Variants in LRFN5 observed in about 807,000 individuals in gnomAD.
LRFN5 encodes the protein leucine rich repeat and fibronectin type III domain containing 5.
A neutral mutation model predicts 45.6 loss-of-function variants in LRFN5; 24 were observed. That is an observed-to-expected ratio of 0.53 (90% CI 0.38 to 0.74). The LOEUF (loss-of-function observed/expected upper bound fraction) is 0.74. Ranked by LOEUF, LRFN5 falls within the 30% of genes least tolerant of loss-of-function variation. LRFN5 has a pLI of 0.00. For synonymous variants in LRFN5, 340 were observed against 313.8 expected, an observed-to-expected ratio of 1.08 and a Z score of -0.88; for missense variants, 776 against 861.5, an observed-to-expected ratio of 0.90 and a Z score of 1.24.
intron 2 of LRFN5, among the ~76,000 whole-genome samples, chr14:41,882,487 G>A (rs1594492578): frequency 6.6e-6 from 1 of 152,116 alleles, no homozygotes; most frequent in Non-Finnish European, 1.5e-5. Flanking sequence ...AAGCTGAAAA[G>A]CAAGGTTGCC....
At chr14:41,674,074 G>C (rs1248923740) in intron 1 of LRFN5, among the ~76,000 whole-genome samples, 2 of 148,564 alleles carry the variant, frequency 1.3e-5, no homozygotes, top group African/African-American at 5.0e-5. Context: ...TGGGCGGGGG[G>C]CTGACCCCCC....
At chr14:41,864,719 T>G (rs961792427) in intron 2 of LRFN5, among the ~76,000 whole-genome samples, 3 of 152,158 alleles carry the variant, frequency 2.0e-5, no homozygotes, top group African/African-American at 4.8e-5. Flanking sequence ...ATCTATATTT[T>G]TATTGATGTA....
intron 1 of LRFN5, among the ~76,000 whole-genome samples, chr14:41,659,781 T>C (rs1190638242): frequency 6.6e-6 from 1 of 152,216 alleles, no homozygotes; most frequent in African/African-American, 2.4e-5. Flanking sequence ...GTGGTTTTGA[T>C]TTGCATTTCT....
At chr14:41,668,030 C>T (rs1273724994) in intron 1 of LRFN5, among the ~76,000 whole-genome samples, 1 of 152,100 alleles carries the variant, frequency 6.6e-6, no homozygotes, top group Non-Finnish European at 1.5e-5. Flanking sequence ...AAGGTCGAAC[C>T]TTGTGCTTCA....
intron 1 of LRFN5, among the ~76,000 whole-genome samples, chr14:41,631,357 T>C (rs1020681831): frequency 6.6e-6 from 1 of 152,056 alleles, no homozygotes. Flanking sequence ...AGAACCTATC[T>C]CAGAAAACCA....
intron 5 of LRFN5, among the ~76,000 whole-genome samples, chr14:41,900,983 T>A (rs553256161): frequency 6.6e-6 from 1 of 152,202 alleles, no homozygotes; most frequent in African/African-American, 2.4e-5. Flanking sequence ...TAAGGTGAAT[T>A]TTTTTCTAAG....
chr14:41,862,603 T>G (rs1442608390), intron 2 of LRFN5, among the ~76,000 whole-genome samples: 1 of 152,202 alleles, frequency 6.6e-6, no homozygotes, highest in African/African-American at 2.4e-5. Flanking sequence ...AATTTATACA[T>G]GCACATACAA....
chr14:41,762,900 G>A (rs561056848), intron 1 of LRFN5, among the ~76,000 whole-genome samples: 153 of 152,172 alleles, frequency 1.0e-3, no homozygotes, highest in African/African-American at 3.5e-3. Context: ...AGTAAATATA[G>A]CTAAAAATAA....
chr14:41,895,230 G>A (rs1442329586), intron 4 of LRFN5, among the ~76,000 whole-genome samples: 1 of 152,002 alleles, frequency 6.6e-6, no homozygotes, highest in Non-Finnish European at 1.5e-5. Context: ...ATCTAACGTA[G>A]CCCCAAATTT....
chr14:41,795,950 C>T (rs1423766523), intron 2 of LRFN5, among the ~76,000 whole-genome samples: 1 of 151,738 alleles, frequency 6.6e-6, no homozygotes, highest in Non-Finnish European at 1.5e-5. Context: ...GCTAAACACT[C>T]TGTCATCGGA....
At position 41,761,559 on chromosome 14, in the gene LRFN5, G is replaced by A. The variant is rs77540466; in HGVS notation, c.-196-5295G>A. 5.4e-3 allele frequency among the ~76,000 whole-genome samples: 827 copies of A among 152,046 alleles called. 3 individuals carry two copies. Among genetic ancestry groups the A allele is most frequent in the Non-Finnish European group, 8.8e-3 (599 of 67,968 alleles). ...ATGTTGTATTTTGTTTTTCCCTATG[G>A]TCCAAAGAACAGAGTAGGCCTGACA... On this transcript the variant is annotated intron_variant, in intron 1 of 5. Transcript: ENST00000298119.
intron 2 of LRFN5, among the ~76,000 whole-genome samples, chr14:41,843,353 C>T (rs747830603): frequency 1.6e-4 from 25 of 151,920 alleles, no homozygotes; most frequent in Non-Finnish European, 3.4e-4. Flanking sequence ...CTTAGGCTCT[C>T]GAAGTGCTGG....
Position 41,895,082 on chromosome 14 carries a change from TG to T in LRFN5, c.2098+3121del, listed in dbSNP as rs374357381. On this transcript the variant is annotated intron_variant, in intron 4 of 5. Transcript: ENST00000298119. ...AAACAAAATAATGTGTTTCCTGTTA[TG>T]CATGTATTAACGATGTTTACTTCAA... The T allele has an allele frequency of 2.6e-4, 252 of 982,022 alleles. No individual in the cohort carries two copies. In the African/African-American group the frequency reaches 3.8e-3, roughly 15 times the overall value. The allele number at this position is 982,022 out of a possible 1,614,324, so 60.8% of individuals were successfully genotyped here.
chr14:41,644,012 A>G (rs1263907307), intron 1 of LRFN5, among the ~76,000 whole-genome samples: 1 of 152,228 alleles, frequency 6.6e-6, no homozygotes, highest in Non-Finnish European at 1.5e-5. Flanking sequence ...GTGGTAATAT[A>G]AAAATAAACT....
At chr14:41,796,382 A>C (rs568998306) in intron 2 of LRFN5, among the ~76,000 whole-genome samples, 1 of 152,090 alleles carries the variant, frequency 6.6e-6, no homozygotes, top group East Asian at 1.9e-4. Flanking sequence ...GTGAATACGC[A>C]TGGTAGATAA....
At chr14:41,627,555 C>G (rs1888376335) in intron 1 of LRFN5, among the ~76,000 whole-genome samples, 1 of 152,102 alleles carries the variant, frequency 6.6e-6, no homozygotes, top group African/African-American at 2.4e-5. Context: ...CAACAAAATT[C>G]TCATTGACGT....
chr14:41,659,038 T>C (rs1220747292), intron 1 of LRFN5, among the ~76,000 whole-genome samples: 2 of 152,028 alleles, frequency 1.3e-5, no homozygotes, highest in African/African-American at 4.8e-5. Flanking sequence ...ACTCTTTTTA[T>C]ATTTTTTATT....
intron 2 of LRFN5, among the ~76,000 whole-genome samples, chr14:41,770,164 G>A (rs1338837131): frequency 1.3e-5 from 2 of 152,088 alleles, no homozygotes; most frequent in African/African-American, 4.8e-5. Flanking sequence ...CATCACCAAG[G>A]AGCCATTCAT....
intron 1 of LRFN5, among the ~76,000 whole-genome samples, chr14:41,656,193 T>C (rs1026880851): frequency 6.6e-6 from 1 of 151,900 alleles, no homozygotes; most frequent in African/African-American, 2.4e-5. Context: ...TGCTCTGAAA[T>C]GAGGATAATG....
Sources: gnomAD v4.1 joint callset for allele counts (sites outside exome capture counted in the v4.1 genomes callset) on GRCh38, gnomAD v4.1.1 for gene constraint, MANE v1.5 for transcripts, NCBI Gene and HGNC (gene_info 2026-07-23, HGNC 2026-07-21) for gene names.